SSBP2: variants seen among roughly 807,000 people sequenced by gnomAD.
SSBP2 encodes single-stranded DNA-binding protein 2.
A neutral mutation model predicts 61.8 loss-of-function variants in SSBP2; 17 were observed. The observed-to-expected ratio is 0.28, with a 90% confidence interval of 0.19 to 0.41. The LOEUF (loss-of-function observed/expected upper bound fraction) is 0.41, where lower values mean the gene tolerates loss of function less well. SSBP2 is among the 10% of genes least tolerant of loss of function. The pLI, the probability that SSBP2 is intolerant of heterozygous loss-of-function variation, is 1.00. For synonymous variants in SSBP2, 139 were observed against 141.3 expected (o/e 0.98, Z 0.12); for missense variants, 310 against 458.7 (o/e 0.68, Z 2.96).
chr5:81,558,189 T>C (rs957785876), intron 4 of SSBP2, among the ~76,000 whole-genome samples: 3 of 152,224 alleles, frequency 2.0e-5, no homozygotes, highest in African/African-American at 7.2e-5. Context: ...CATACTTCAT[T>C]GAAATCACTT....
intron 4 of SSBP2, among the ~76,000 whole-genome samples, chr5:81,602,133 T>G (rs913118512): frequency 1.3e-5 from 2 of 152,110 alleles, no homozygotes; most frequent in African/African-American, 4.8e-5. Flanking sequence ...TGAGTCATGC[T>G]TCCTTTTCCA....
intron 4 of SSBP2, among the ~76,000 whole-genome samples, chr5:81,535,957 C>G (rs915248329): frequency 1.3e-5 from 2 of 151,944 alleles, no homozygotes; most frequent in Non-Finnish European, 2.9e-5. Flanking sequence ...AGTGAGAAGA[C>G]AAGCCACAGA....
chr5:81,501,563 C>CT (rs71603598), intron 5 of SSBP2, among the ~76,000 whole-genome samples: 22,386 of 117,380 alleles, frequency 0.19, 3,623 homozygotes, highest in Non-Finnish European at 0.28. Context: ...TCTTTCTTTT[C>CT]TTTTTTTTTT....
chr5:81,748,335 T>G (rs1167656983), intron 1 of SSBP2, among the ~76,000 whole-genome samples: 1 of 152,206 alleles, frequency 6.6e-6, no homozygotes, highest in Non-Finnish European at 1.5e-5. Context: ...TTTTATAATC[T>G]GTTACCTTAA....
At chr5:81,637,121 C>G (rs1245221313) in intron 2 of SSBP2, among the ~76,000 whole-genome samples, 2 of 152,200 alleles carry the variant, frequency 1.3e-5, no homozygotes, top group Non-Finnish European at 2.9e-5. Context: ...CTAGCTTTAT[C>G]CCACACAACC....
chr5:81,505,992 G>A (rs964668771), intron 5 of SSBP2, among the ~76,000 whole-genome samples: 7 of 152,150 alleles, frequency 4.6e-5, no homozygotes, highest in Non-Finnish European at 1.0e-4. Flanking sequence ...TACTGCTGTA[G>A]GGTCTTTAGT....
chr5:81,702,216 GA>G (rs963979378), intron 1 of SSBP2, among the ~76,000 whole-genome samples: 9 of 151,934 alleles, frequency 5.9e-5, no homozygotes, highest in Admixed American at 5.2e-4. Context: ...ACTAAAATAC[GA>G]AAAATTAGCT....
At chr5:81,711,241 A>C (rs1754757382) in intron 1 of SSBP2, among the ~76,000 whole-genome samples, 1 of 152,106 alleles carries the variant, frequency 6.6e-6, no homozygotes, top group Non-Finnish European at 1.5e-5. Context: ...CTAAAACAAA[A>C]GAAACAATAG....
chr5:81,496,241 G>A (rs1213421144), intron 5 of SSBP2, among the ~76,000 whole-genome samples: 2 of 151,948 alleles, frequency 1.3e-5, no homozygotes, highest in African/African-American at 4.8e-5. Flanking sequence ...GTGCAGTGGC[G>A]CGATCTCGGC....
chr5:81,731,301 T>C (rs1243511410), intron 1 of SSBP2, among the ~76,000 whole-genome samples: 1 of 152,160 alleles, frequency 6.6e-6, no homozygotes, highest in African/African-American at 2.4e-5. Flanking sequence ...TTATCTTTTT[T>C]AGAAGACCAA....
At chr5:81,521,991 G>C (rs1348924470) in intron 4 of SSBP2, among the ~76,000 whole-genome samples, 1 of 151,954 alleles carries the variant, frequency 6.6e-6, no homozygotes, top group East Asian at 1.9e-4. Flanking sequence ...TATATATCAT[G>C]TGCTATAAAA....
intron 4 of SSBP2, among the ~76,000 whole-genome samples, chr5:81,562,848 G>A (rs1386576027): frequency 6.6e-6 from 1 of 151,192 alleles, no homozygotes; most frequent in Admixed American, 6.6e-5. Flanking sequence ...CAAAATATGT[G>A]CATGAGCTGT....
chr5:81,587,482 A>G (rs754979004), intron 4 of SSBP2, among the ~76,000 whole-genome samples: 13 of 152,210 alleles, frequency 8.5e-5, no homozygotes, highest in Non-Finnish European at 1.6e-4. Flanking sequence ...GTGAAATCCC[A>G]AAACTTTGGG....
At chr5:81,593,103 G>A (rs900466618) in intron 4 of SSBP2, among the ~76,000 whole-genome samples, 2 of 152,146 alleles carry the variant, frequency 1.3e-5, no homozygotes, top group Admixed American at 6.5e-5. Flanking sequence ...AAAAAAATCA[G>A]ACGAATGGAT....
intron 1 of SSBP2, among the ~76,000 whole-genome samples, chr5:81,732,499 A>T (rs1756334922): frequency 6.6e-6 from 1 of 152,184 alleles, no homozygotes; most frequent in African/African-American, 2.4e-5. Context: ...GAATCACTCA[A>T]ACTTAATTTT....
At position 81,640,739 on chromosome 5, in the gene SSBP2, G is replaced by A. The variant is rs535499284; in HGVS notation, c.136-4121C>T. ...AATTATAATTTAGTCAAAAACCTACGTCTCGTCCTTCTCTCAAAAACTCTG... is the reference window on the plus strand; with the variant it reads ...AATTATAATTTAGTCAAAAACCTACATCTCGTCCTTCTCTCAAAAACTCTG... On this transcript the variant is annotated intron_variant, in intron 2 of 16. Transcript: ENST00000320672. Among the ~76,000 whole-genome samples the A allele has an allele frequency of 8.1e-4, 122 of 150,720 alleles. 2 individuals carry two copies. The highest frequency in any genetic ancestry group is 1.0e-3 in the Non-Finnish European group (71 of 67,628).
At chr5:81,538,819 C>T (rs1179371809) in intron 4 of SSBP2, among the ~76,000 whole-genome samples, 1 of 152,152 alleles carries the variant, frequency 6.6e-6, no homozygotes, top group African/African-American at 2.4e-5. Flanking sequence ...ATTTGAAGCC[C>T]ACTGTTGAGA....
chr5:81,716,333 A>C (rs1351995768), intron 1 of SSBP2, among the ~76,000 whole-genome samples: 1 of 152,206 alleles, frequency 6.6e-6, no homozygotes, highest in African/African-American at 2.4e-5. Context: ...GGTACTCTTT[A>C]AACAATGTGC....
intron 2 of SSBP2, 60 bp from the exon 3 acceptor site, chr5:81,636,678 A>T: frequency 1.7e-6 from 2 of 1,182,490 alleles, no homozygotes; most frequent in Non-Finnish European, 2.5e-6. Context: ...ACATATTACA[A>T]AGTAATAATA....
Sources: gnomAD v4.1 joint callset for allele counts (sites outside exome capture counted in the v4.1 genomes callset) on GRCh38, gnomAD v4.1.1 for gene constraint, MANE v1.5 for transcripts, NCBI Gene and HGNC (gene_info 2026-07-23, HGNC 2026-07-21) for gene names.